OPCML: variants seen among roughly 807,000 people sequenced by gnomAD.
The protein encoded by OPCML is opioid-binding protein/cell adhesion molecule.
In OPCML, 13 loss-of-function variants were observed where a neutral mutation model predicts 37.8. The observed-to-expected ratio is 0.34, with a 90% confidence interval of 0.22 to 0.55. OPCML has a LOEUF of 0.55. OPCML is among the 20% of genes least tolerant of loss of function. OPCML has a pLI of 0.91. For missense variants in OPCML, 341 were observed against 435.6 expected (o/e 0.78, Z 1.93); for synonymous variants, 176 against 168.8 (o/e 1.04, Z -0.33).
chr11:132,689,916 T>C lies in OPCML; in HGVS notation c.147-32597A>G, dbSNP rs141386032. On this transcript the variant is annotated intron_variant, in intron 2 of 7. Transcript: ENST00000524381. ...GCCTTGGACCATAAGTAATCATTTA[T>C]AGGAAAAAAACTATGGGAGTGCTCA... Among the ~76,000 whole-genome samples, 1,518 of 152,308 alleles carry C rather than the reference T, an allele frequency of 1.0e-2. 64 individuals are homozygous for C. Among genetic ancestry groups the C allele is most frequent in the East Asian group, 0.013 (69 of 5,180 alleles).
At chr11:133,299,590 G>A (rs551219273) in intron 1 of OPCML, 2 of 152,222 alleles carry the variant, frequency 1.3e-5, no homozygotes, top group African/African-American at 2.4e-5. Context: ...TTAAAAGTGA[G>A]TTAATACGTA....
At chr11:133,075,382 G>A (rs1948605849) in intron 1 of OPCML, among the ~76,000 whole-genome samples, 1 of 152,188 alleles carries the variant, frequency 6.6e-6, no homozygotes. Context: ...GCCTTTCCCT[G>A]GGACAAGGTG....
At chr11:132,620,477 A>G (rs1939331540) in intron 3 of OPCML, among the ~76,000 whole-genome samples, 1 of 152,178 alleles carries the variant, frequency 6.6e-6, no homozygotes, top group Non-Finnish European at 1.5e-5. Flanking sequence ...CCAATGCCTT[A>G]TTTTTGTGGT....
At chr11:132,658,798 G>A (rs1015175597) in intron 2 of OPCML, among the ~76,000 whole-genome samples, 1 of 152,106 alleles carries the variant, frequency 6.6e-6, no homozygotes, top group Admixed American at 6.5e-5. Flanking sequence ...CCTCACCAAT[G>A]CCCAGCACCC....
intron 3 of OPCML, among the ~76,000 whole-genome samples, chr11:132,569,867 G>A (rs950253628): frequency 6.6e-6 from 1 of 151,622 alleles, no homozygotes; most frequent in Non-Finnish European, 1.5e-5. Context: ...TTAAGAGGGA[G>A]GATAAAATAC....
intron 1 of OPCML, among the ~76,000 whole-genome samples, chr11:133,047,666 CCCT>C (rs1453238744): frequency 1.3e-5 from 2 of 152,192 alleles, no homozygotes; most frequent in Non-Finnish European, 2.9e-5. Context: ...ACTTCTCCAC[CCCT>C]CCTCCGTCTC....
intron 3 of OPCML, among the ~76,000 whole-genome samples, chr11:132,548,735 G>A (rs2096374638): frequency 6.6e-6 from 1 of 152,160 alleles, no homozygotes; most frequent in African/African-American, 2.4e-5. Flanking sequence ...TTAAATTCAA[G>A]CTAAAGCCTG....
chr11:132,814,212 C>T (rs944996238), intron 2 of OPCML, among the ~76,000 whole-genome samples: 1 of 152,202 alleles, frequency 6.6e-6, no homozygotes, highest in African/African-American at 2.4e-5. Flanking sequence ...GAGTTGAACT[C>T]ATTGTCTGCT....
At chr11:133,514,768 T>C (rs892596158) in intron 1 of OPCML, among the ~76,000 whole-genome samples, 3 of 152,200 alleles carry the variant, frequency 2.0e-5, no homozygotes, top group East Asian at 3.9e-4. Flanking sequence ...TTTTTGTCTA[T>C]AGGAAATTTG....
intron 1 of OPCML, among the ~76,000 whole-genome samples, chr11:133,509,186 G>C (rs1428966259): frequency 1.3e-5 from 2 of 152,026 alleles, no homozygotes. Flanking sequence ...TTAAGGCCCG[G>C]ATGCATTAGC....
chr11:132,573,936 T>C (rs1467479842), intron 3 of OPCML, among the ~76,000 whole-genome samples: 2 of 151,994 alleles, frequency 1.3e-5, no homozygotes, highest in Non-Finnish European at 2.9e-5. Context: ...GGCTATTTCT[T>C]CATGGCTTAG....
chr11:132,710,692 A>C (rs1944225963), intron 2 of OPCML, among the ~76,000 whole-genome samples: 1 of 52,434 alleles, frequency 1.9e-5, no homozygotes, highest in South Asian at 6.2e-4. Context: ...AAAATACAAA[A>C]AAAAAAAAAA....
At chr11:132,957,683 TCTCTGTGC>T (rs1946001283) in intron 1 of OPCML, among the ~76,000 whole-genome samples, 2 of 152,170 alleles carry the variant, frequency 1.3e-5, no homozygotes, top group African/African-American at 4.8e-5. Flanking sequence ...ACTCACTCTG[TCTCTGTGC>T]CACATTTTGG....
At chr11:133,269,981 A>G (rs777220636) in intron 1 of OPCML, among the ~76,000 whole-genome samples, 32 of 152,306 alleles carry the variant, frequency 2.1e-4, no homozygotes, top group South Asian at 4.2e-4. Context: ...ATAACTTCAA[A>G]ATACAAGAAG....
chr11:133,343,269 G>A (rs75993673), intron 1 of OPCML, among the ~76,000 whole-genome samples: 6,677 of 152,204 alleles, frequency 0.044, 388 homozygotes, highest in African/African-American at 0.13. Context: ...CCGTGACTCG[G>A]GGGTTCTTTG....
At chr11:133,216,622 T>C (rs553236296) in intron 1 of OPCML, among the ~76,000 whole-genome samples, 2 of 152,204 alleles carry the variant, frequency 1.3e-5, no homozygotes, top group Non-Finnish European at 2.9e-5. Flanking sequence ...TCACTATTTC[T>C]ACCTTACAGA....
chr11:133,175,980 C>G (rs771604403), intron 1 of OPCML, among the ~76,000 whole-genome samples: 4 of 152,100 alleles, frequency 2.6e-5, no homozygotes, highest in Non-Finnish European at 5.9e-5. Flanking sequence ...TTTTTCAGAC[C>G]TGGGTATGCA....
chr11:133,154,056 C>T (rs1950023161), intron 1 of OPCML, among the ~76,000 whole-genome samples: 1 of 151,882 alleles, frequency 6.6e-6, no homozygotes, highest in Non-Finnish European at 1.5e-5. Context: ...ACCAGAGTCA[C>T]CCTGCAGAGA....
At chr11:133,344,943 C>T (rs892502613) in intron 1 of OPCML, among the ~76,000 whole-genome samples, 2 of 152,146 alleles carry the variant, frequency 1.3e-5, no homozygotes, top group Non-Finnish European at 2.9e-5. Flanking sequence ...ACTTGCTAGC[C>T]ACGTCACATG....
Sources: gnomAD v4.1 joint callset for allele counts (sites outside exome capture counted in the v4.1 genomes callset) on GRCh38, gnomAD v4.1.1 for gene constraint, MANE v1.5 for transcripts, NCBI Gene and HGNC (gene_info 2026-07-23, HGNC 2026-07-21) for gene names.